The following ATP9B variants were observed in gnomAD, a reference collection of about 807,000 sequenced individuals.
The protein encoded by ATP9B is probable phospholipid-transporting ATPase IIB.
ATP9B carries 110 observed loss-of-function variants against 146.1 expected under a neutral mutation model. The observed-to-expected ratio is 0.75, with a 90% CI of 0.65 to 0.88. The LOEUF is 0.88. Among genes scored for constraint, ATP9B ranks in the 40% least tolerant of loss-of-function variants. The pLI is 0.00. For missense variants in ATP9B, 1,499 were observed against 1,496.4 expected (o/e 1.00, Z -0.03); for synonymous variants, 604 against 569.7 (o/e 1.06, Z -0.86).
At chr18:79,212,121 A>G (rs2095589661) in intron 10 of ATP9B, among the ~76,000 whole-genome samples, 1 of 152,196 alleles carries the variant, frequency 6.6e-6, no homozygotes, top group Non-Finnish European at 1.5e-5. Flanking sequence ...CTTCATAAGT[A>G]CATACCCTTT....
At chr18:79,323,472 G>A (rs1015283130) in intron 15 of ATP9B, among the ~76,000 whole-genome samples, 5 of 152,038 alleles carry the variant, frequency 3.3e-5, no homozygotes, top group Middle Eastern at 6.8e-3. Context: ...TATCCTTCCC[G>A]GACTCTGGTA....
intron 7 of ATP9B, among the ~76,000 whole-genome samples, chr18:79,171,675 C>T (rs1478969006): frequency 2.0e-5 from 3 of 152,080 alleles, no homozygotes; most frequent in Non-Finnish European, 4.4e-5. Context: ...GTGTGGGTTC[C>T]TGTCACCACC....
At chr18:79,253,284 A>G in intron 11 of ATP9B, 97 bp from the exon 12 acceptor site, 1 of 1,154,156 alleles carries the variant, frequency 8.7e-7, no homozygotes, top group Non-Finnish European at 1.2e-6. Context: ...ATAAATTTTA[A>G]AGTTTTTTTT....
chr18:79,360,071 T>C (rs1168198352), intron 26 of ATP9B: 1 of 157,138 alleles, frequency 6.4e-6, no homozygotes, highest in Non-Finnish European at 1.4e-5. Context: ...TTATTTGGCT[T>C]AAAACTGTGC....
At position 79,347,880 on chromosome 18, in the gene ATP9B, C is replaced by G. The variant is rs545743728; in HGVS notation, c.2793C>G (p.Leu931=). 24 of 1,613,788 alleles carry G rather than the reference C, an allele frequency of 1.5e-5. No individual in the cohort carries two copies. The South Asian group carries it at 2.4e-4, about 16-fold the overall frequency. ...ACAGCTACAAGAGGTCGGCGGCACT[C>G]GGCCAGTTCGTCATGCACAGGGGCC... is the stretch of plus-strand genomic sequence containing the variant. ...GRNSYKRSAA[L]GQFVMHRGLI... is the part of the protein sequence containing the mutation. Residue 931 remains leucine, a synonymous_variant, in exon 24 of 30, where the codon CTC becomes CTG. Coordinates refer to ENST00000426216, the MANE Select transcript of ATP9B (RefSeq NM_198531.5).
chr18:79,168,126 A>G (rs11664609), intron 7 of ATP9B, among the ~76,000 whole-genome samples: 38,024 of 152,098 alleles, frequency 0.25, 5,082 homozygotes, highest in East Asian at 0.5. Context: ...CCGCCACTCC[A>G]GAGGCGCCAC....
chr18:79,345,543 A>T lies in ATP9B; in HGVS notation c.2588A>T (p.Gln863Leu). The change falls in exon 22 of 30, where the codon CAG becomes CTG. Residue 863 changes from glutamine to leucine, a missense_variant. Physicochemically the swap from Gln to Leu is moderately radical, Grantham distance 113 (BLOSUM62 -2). Transcript: ENST00000426216. ...QKARIVTLLQ[Q>L]HTGRRTCAIG... ...GCCCGCATTGTGACACTGCTGCAGC[A>T]GCACACAGGGAGACGCACCTGCGCC... 6.2e-7 allele frequency: 1 copy of T among 1,610,932 alleles called. No individual in the cohort carries two copies. The highest frequency in any genetic ancestry group is 1.1e-5 in the South Asian group (1 of 91,082).
chr18:79,324,127 A>G (rs1216793799), intron 15 of ATP9B, among the ~76,000 whole-genome samples: 1 of 152,136 alleles, frequency 6.6e-6, no homozygotes, highest in Non-Finnish European at 1.5e-5. Flanking sequence ...TCTTTTGCCC[A>G]TATTTTAATC....
chr18:79,284,169 G>A (rs1277616204), intron 13 of ATP9B, among the ~76,000 whole-genome samples: 1 of 152,226 alleles, frequency 6.6e-6, no homozygotes, highest in Admixed American at 6.5e-5. Context: ...GTGTGTGCTA[G>A]TGAGTGCATA....
At position 79,337,209 on chromosome 18, in the gene ATP9B, G is replaced by A. The variant is rs114584749; in HGVS notation, c.2113-70G>A. 1.2e-3 allele frequency: 1,957 copies of A among 1,573,842 alleles called. 14 individuals are homozygous for A. The African/African-American group carries it at 0.023, about 18-fold the overall frequency. ...CCCCTCTGTCCCCACAGCCCATGCA[G>A]TCCAGCTCTGTGGAGTCCACACACA... is the stretch of plus-strand genomic sequence containing the variant. On this transcript the variant is annotated intron_variant, in intron 18 of 29. Transcript: ENST00000426216.
At chr18:79,146,785 TA>T in intron 6 of ATP9B, 1 of 153,432 alleles carries the variant, frequency 6.5e-6, no homozygotes, top group Non-Finnish European at 1.5e-5. Context: ...ACTGTGTGAG[TA>T]AAAAGGGCTC....
intron 11 of ATP9B, among the ~76,000 whole-genome samples, chr18:79,249,800 G>C (rs1351479063): frequency 6.6e-6 from 1 of 152,162 alleles, no homozygotes; most frequent in Non-Finnish European, 1.5e-5. Context: ...AAAAATGCAA[G>C]TGTTGAAATG....
At chr18:79,371,264 T>C (rs751100493) in intron 26 of ATP9B, among the ~76,000 whole-genome samples, 3 of 150,576 alleles carry the variant, frequency 2.0e-5, no homozygotes, top group Admixed American at 6.6e-5. Context: ...CCCAGCTACT[T>C]GGGAGGCTGA....
intron 8 of ATP9B, among the ~76,000 whole-genome samples, chr18:79,186,041 C>G (rs961225006): frequency 1.3e-5 from 2 of 152,148 alleles, no homozygotes; most frequent in African/African-American, 4.8e-5. Context: ...TCTGGAGGCA[C>G]AGTTTTCAGG....
chr18:79,265,419 C>T (rs775343610), intron 12 of ATP9B, among the ~76,000 whole-genome samples: 7 of 152,190 alleles, frequency 4.6e-5, no homozygotes. Flanking sequence ...TCTGGGATTA[C>T]AAGCGTGAGC....
At chr18:79,276,945 G>A in intron 12 of ATP9B, 109 bp from the exon 13 acceptor site, 1 of 1,491,562 alleles carries the variant, frequency 6.7e-7, no homozygotes, top group Non-Finnish European at 9.2e-7. Flanking sequence ...ACTTGGACAT[G>A]GGTCTGGATC....
At position 79,109,560 on chromosome 18, in the gene ATP9B, C is replaced by T. The variant is rs560633650; in HGVS notation, c.294-795C>T. ...TATCCTCTTTAAATATTGGATTGAGCTGTCTTTTTTTTTTTTTTTTTTTAA... is the reference window on the plus strand; with the variant it reads ...TATCCTCTTTAAATATTGGATTGAGTTGTCTTTTTTTTTTTTTTTTTTTAA... On this transcript the variant is annotated intron_variant, in intron 2 of 29. Coordinates refer to ENST00000426216, the MANE Select transcript of ATP9B (RefSeq NM_198531.5). Among the ~76,000 whole-genome samples, 10 of 146,724 alleles carry T rather than the reference C, an allele frequency of 6.8e-5. 1 individual carries two copies. The South Asian group carries it at 2.1e-3, about 31-fold the overall frequency.
Position 79,377,369 on chromosome 18 carries a change from A to G in ATP9B, c.3430A>G (p.Lys1144Glu). 6.2e-7 allele frequency: 1 copy of G among 1,608,954 alleles called. No individual in the cohort carries two copies. The highest frequency in any genetic ancestry group is 8.5e-7 in the Non-Finnish European group (1 of 1,180,006). Residue 1144 changes from lysine (K) to glutamate (E), a missense_variant, in exon 30 of 30, where the codon AAG (lysine) becomes GAG (glutamate). Lys to Glu is a moderately conservative substitution (Grantham distance 56). Transcript: ENST00000426216. ...CAAGCTCTCTCCTCCCAGCTACTGC[A>G]AGCTGGCCTCCTAAGGGGCTGTGCA... is the stretch of plus-strand genomic sequence containing the variant. The part of the protein sequence containing the change: ...RRKLSPPSYC[K>E]LAS
chr18:79,189,859 T>G (rs1054258128), intron 8 of ATP9B, among the ~76,000 whole-genome samples: 1 of 152,224 alleles, frequency 6.6e-6, no homozygotes, highest in African/African-American at 2.4e-5. Flanking sequence ...GCACTTCTTA[T>G]TGGTCCCGTG....
Sources: gnomAD v4.1 joint callset for allele counts (sites outside exome capture counted in the v4.1 genomes callset) on GRCh38, gnomAD v4.1.1 for gene constraint, MANE v1.5 for transcripts, NCBI Gene and HGNC (gene_info 2026-07-23, HGNC 2026-07-21) for gene names.